FMN1: variants seen among roughly 807,000 people sequenced by gnomAD.
The protein encoded by FMN1 is formin-1.
A neutral mutation model predicts 132.4 loss-of-function variants in FMN1; 110 were observed. The observed-to-expected ratio is 0.83, with a 90% CI of 0.71 to 0.97. The LOEUF is 0.97. Among genes scored for constraint, FMN1 ranks in the 50% least tolerant of loss-of-function variants. The pLI is 0.00. For missense variants in FMN1, 1,792 were observed against 1,705.3 expected, an observed-to-expected ratio of 1.05 and a Z score of -0.90; for synonymous variants, 722 against 651.7, an observed-to-expected ratio of 1.11 and a Z score of -1.64.
At chr15:33,001,290 A>C (rs1024845589) in intron 7 of FMN1, among the ~76,000 whole-genome samples, 1 of 150,036 alleles carries the variant, frequency 6.7e-6, no homozygotes, top group African/African-American at 2.4e-5. Flanking sequence ...TCTCAAAAAG[A>C]AAAAAAAAAG....
intron 7 of FMN1, among the ~76,000 whole-genome samples, chr15:33,005,946 G>C (rs1436158549): frequency 6.6e-6 from 1 of 151,970 alleles, no homozygotes; most frequent in African/African-American, 2.4e-5. Context: ...CCACTTTTTT[G>C]TTTCTTTGTG....
At chr15:32,951,956 G>C (rs1234712509) in intron 9 of FMN1, among the ~76,000 whole-genome samples, 2 of 152,214 alleles carry the variant, frequency 1.3e-5, no homozygotes, top group African/African-American at 4.8e-5. Flanking sequence ...TCAGCCCTCT[G>C]CTACAGCCTT....
intron 6 of FMN1, among the ~76,000 whole-genome samples, chr15:33,061,018 G>A (rs948896970): frequency 2.6e-5 from 4 of 152,150 alleles, no homozygotes; most frequent in African/African-American, 7.2e-5. Flanking sequence ...CCCAGCTTTC[G>A]GTTGAGTGTT....
chr15:33,063,555 A>T (rs994979738), intron 6 of FMN1: 3 of 152,200 alleles, frequency 2.0e-5, no homozygotes, highest in Admixed American at 2.0e-4. Context: ...AACTCTCCTC[A>T]AATCACTCCA....
At position 32,771,830 on chromosome 15, in the gene FMN1, C is replaced by T. The variant is rs1256610128; in HGVS notation, c.*2480G>A. ...AGGCCTCCAGATTATTTTAGATGAA[C>T]TTCCTTGAACAAATTGTCATTGACC... On this transcript the variant is annotated 3_prime_UTR_variant, in exon 21 of 21. Transcript: ENST00000616417. 1 of 152,180 alleles carries T rather than the reference C, an allele frequency of 6.6e-6. No individual in the cohort carries two copies. The highest frequency in any genetic ancestry group is 6.5e-5 in the Admixed American group (1 of 15,286). 9.4% of individuals were successfully genotyped at this position (152,180 alleles called of 1,614,324 possible).
chr15:32,980,976 T>C (rs1350358551), intron 7 of FMN1, among the ~76,000 whole-genome samples: 1 of 152,218 alleles, frequency 6.6e-6, no homozygotes, highest in Non-Finnish European at 1.5e-5. Context: ...ATCGTGCCAC[T>C]GCACCCCAGC....
At chr15:32,898,140 TTCCC>T in intron 15 of FMN1, among the ~76,000 whole-genome samples, 1 of 152,196 alleles carries the variant, frequency 6.6e-6, no homozygotes, top group Non-Finnish European at 1.5e-5. Flanking sequence ...TCTACTATTC[TTCCC>T]TCGATGCTTA....
At chr15:33,176,641 C>T (rs1050759883) in intron 3 of FMN1, among the ~76,000 whole-genome samples, 12 of 151,868 alleles carry the variant, frequency 7.9e-5, no homozygotes, top group Non-Finnish European at 1.6e-4. Flanking sequence ...TTTCTTCTCA[C>T]TTGTAATACT....
chr15:32,876,804 C>T (rs547807273), intron 16 of FMN1, among the ~76,000 whole-genome samples: 6 of 152,264 alleles, frequency 3.9e-5, no homozygotes, highest in African/African-American at 1.4e-4. Flanking sequence ...TATAGGACTG[C>T]ATTCGACAGA....
chr15:32,930,730 C>G (rs891698179), intron 9 of FMN1, among the ~76,000 whole-genome samples: 1 of 149,872 alleles, frequency 6.7e-6, no homozygotes. Flanking sequence ...TGGGGGGGGG[C>G]GGTCTATGCT....
chr15:33,027,256 A>G (rs2035721455), intron 6 of FMN1, among the ~76,000 whole-genome samples: 1 of 152,142 alleles, frequency 6.6e-6, no homozygotes, highest in South Asian at 2.1e-4. Context: ...AGCTATACCT[A>G]TTTTCTATTT....
At chr15:33,049,017 A>G (rs139718370) in intron 6 of FMN1, among the ~76,000 whole-genome samples, 4 of 152,374 alleles carry the variant, frequency 2.6e-5, no homozygotes, top group Non-Finnish European at 5.9e-5. Context: ...TTAGACGGTT[A>G]AAGGATTGTT....
chr15:33,012,767 A>G lies in FMN1; in HGVS notation c.2162-4692T>C, dbSNP rs558849888. ...TTTGGTGGGAACGACATCTTTGGTT[A>G]TGGAGAAAACTTCAGTGGTCATGGT... On this transcript the variant is annotated intron_variant, in intron 6 of 20. Coordinates refer to ENST00000616417, the MANE Select transcript of FMN1 (RefSeq NM_001277313.2). The G allele has an allele frequency of 6.6e-4, 478 of 721,678 alleles. 1 individual carries two copies. Among genetic ancestry groups the G allele is most frequent in the Non-Finnish European group, 9.9e-4 (388 of 391,288 alleles). 44.7% of individuals were successfully genotyped at this position (721,678 alleles called of 1,614,324 possible).
At chr15:33,173,788 G>T (rs1595599958) in intron 3 of FMN1, among the ~76,000 whole-genome samples, 1 of 152,144 alleles carries the variant, frequency 6.6e-6, no homozygotes, top group Admixed American at 6.5e-5. Flanking sequence ...AATTAGCCAG[G>T]CGTGGTGGCA....
In FMN1 at chr15:32,881,532, C is replaced by T. The variant is rs376074482; in HGVS notation, c.3835+6640G>A. Among the ~76,000 whole-genome samples the T allele has an allele frequency of 5.3e-5, 8 of 152,272 alleles. No homozygotes were observed. In the South Asian group the frequency reaches 8.3e-4, roughly 16 times the overall value. On this transcript the variant is annotated intron_variant, in intron 16 of 20. Coordinates refer to ENST00000616417, the MANE Select transcript of FMN1 (RefSeq NM_001277313.2). Reference sequence around the variant, plus strand: ...GATGAGTGTTCAATCAATGACGTTTCCACCAAAGTCCTCCAAAAGGTTTCC... The same window carrying T: ...GATGAGTGTTCAATCAATGACGTTTTCACCAAAGTCCTCCAAAAGGTTTCC...
chr15:33,161,734 C>T (rs912990585), intron 3 of FMN1, among the ~76,000 whole-genome samples: 4 of 151,960 alleles, frequency 2.6e-5, no homozygotes, highest in South Asian at 2.1e-4. Context: ...CTGGCCAACA[C>T]GGTGAAACCC....
chr15:32,798,593 C>T (rs1157659335), intron 19 of FMN1, among the ~76,000 whole-genome samples: 4 of 152,182 alleles, frequency 2.6e-5, no homozygotes, highest in African/African-American at 4.8e-5. Context: ...GAAAGTGTAA[C>T]TTATCAGATC....
intron 6 of FMN1, among the ~76,000 whole-genome samples, chr15:33,027,951 T>C (rs1415645785): frequency 1.3e-5 from 2 of 152,156 alleles, no homozygotes; most frequent in African/African-American, 4.8e-5. Flanking sequence ...CCCGCTACAG[T>C]GTTACTAGCA....
chr15:33,082,020 GGTGTGTGTGTGT>G (rs57369569), intron 5 of FMN1, among the ~76,000 whole-genome samples: 33 of 117,822 alleles, frequency 2.8e-4, no homozygotes, highest in Middle Eastern at 4.3e-3. Context: ...AGAGTTCAGG[GGTGTGTGTGTGT>G]GTGTGTGTGT....
Sources: allele counts gnomAD v4.1 joint callset (sites outside exome capture counted in the v4.1 genomes callset), GRCh38; gene constraint gnomAD v4.1.1; transcripts MANE v1.5; gene names NCBI Gene and HGNC (gene_info 2026-07-23, HGNC 2026-07-21).